PHLDB2: variants seen among roughly 807,000 people sequenced by gnomAD.
The protein encoded by PHLDB2 is pleckstrin homology like domain family B member 2.
A neutral mutation model predicts 123.6 loss-of-function variants in PHLDB2; 71 were observed. That is an observed-to-expected ratio of 0.57 (90% CI 0.47 to 0.70). The LOEUF is 0.70. PHLDB2 is among the 30% of genes least tolerant of loss of function. The pLI, the probability that PHLDB2 is intolerant of heterozygous loss-of-function variation, is 0.00. For synonymous variants in PHLDB2, 547 were observed against 541.6 expected, an observed-to-expected ratio of 1.01 and a Z score of -0.14; for missense variants, 1,446 against 1,519.5, an observed-to-expected ratio of 0.95 and a Z score of 0.80.
At chr3:111,880,678 G>A (rs1210724516) in intron 1 of PHLDB2, among the ~76,000 whole-genome samples, 3 of 43,142 alleles carry the variant, frequency 7.0e-5, no homozygotes, top group East Asian at 2.1e-3. Context: ...GTCCTTTGTG[G>A]CATTTTTTTT....
upstream of PHLDB2, among the ~76,000 whole-genome samples, chr3:111,855,048 G>A (rs574655497): frequency 7.6e-4 from 116 of 152,138 alleles, no homozygotes; most frequent in South Asian, 3.1e-3. Flanking sequence ...GTAATTCCCA[G>A]AACTCGGGTT....
Position 111,913,668 on chromosome 3 carries a change from C to T in PHLDB2, c.1685C>T (p.Ser562Phe). 1 of 1,613,508 alleles carries T rather than the reference C, an allele frequency of 6.2e-7. No individual in the cohort carries two copies. Among genetic ancestry groups the T allele is most frequent in the Non-Finnish European group, 8.5e-7 (1 of 1,179,534 alleles). ...PPPSSTFPKASSESSYLSILP... is the reference protein window; with the variant it reads ...PPPSSTFPKAFSESSYLSILP... ...CCATCCTCCACCTTTCCGAAAGCTT[C>T]CAGCGAGTCCTCTTATCTAAGTATC... The change falls in exon 3 of 18, where the codon TCC (serine) becomes TTC (phenylalanine). Residue 562 changes from serine to phenylalanine, a missense_variant. Ser to Phe is a radical substitution (Grantham distance 155). Around this residue, in one of 3 missense-constraint regions of PHLDB2, gnomAD observed 832 missense variants for 831.9 expected, o/e 1.00. Coordinates refer to ENST00000431670, the MANE Select transcript of PHLDB2 (RefSeq NM_001134438.2).
intron 1 of PHLDB2, among the ~76,000 whole-genome samples, chr3:111,791,366 T>C (rs1241364175): frequency 6.6e-6 from 1 of 152,188 alleles, no homozygotes; most frequent in Non-Finnish European, 1.5e-5. Context: ...GTTTTCCCAT[T>C]TCAGTCCCAG....
rs919909645 is a variant in PHLDB2 at position 111,772,915 on chromosome 3, TCA to T, written c.-49+40215_-49+40216del. Among the ~76,000 whole-genome samples, 23 of 152,184 alleles carry T rather than the reference TCA, an allele frequency of 1.5e-4. 1 individual carries two copies. The highest frequency in any genetic ancestry group is 1.2e-4 in the Non-Finnish European group (8 of 68,038). ...ATGAGGAATGCAATTTGGATTTTCT[TCA>T]CAGAGACGTGAGAATTCCTAAGTTG... On this transcript the variant is annotated intron_variant, in intron 1 of 17. Coordinates refer to the PHLDB2 transcript ENST00000393923.
intron 12 of PHLDB2, chr3:111,957,112 A>T (rs1473999068): frequency 6.5e-6 from 1 of 152,690 alleles, no homozygotes; most frequent in Non-Finnish European, 1.5e-5. Context: ...TTTAAAACAG[A>T]GAGCTGAGAA....
At chr3:111,949,785 G>T (rs1366145595) in intron 10 of PHLDB2, 8 of 985,440 alleles carry the variant, frequency 8.1e-6, no homozygotes, top group Non-Finnish European at 9.6e-6. Flanking sequence ...CAGCCCCATG[G>T]CCTGAATTCA....
intron 1 of PHLDB2, among the ~76,000 whole-genome samples, chr3:111,759,120 C>CTTT (rs34027939): frequency 6.8e-6 from 1 of 147,710 alleles, no homozygotes; most frequent in Non-Finnish European, 1.5e-5. Context: ...AGTGATATAT[C>CTTT]TTTTTTTTTT....
At chr3:111,757,382 G>T (rs62273778) in intron 1 of PHLDB2, among the ~76,000 whole-genome samples, 2 of 151,894 alleles carry the variant, frequency 1.3e-5, no homozygotes, top group Non-Finnish European at 2.9e-5. Flanking sequence ...TTCCCTTCTC[G>T]CTTCATTTCA....
intron 2 of PHLDB2, among the ~76,000 whole-genome samples, chr3:111,895,873 C>CTATCTATCT (rs1553746643): frequency 0.035 from 5,219 of 148,628 alleles, 137 homozygotes; most frequent in East Asian, 0.075. Flanking sequence ...TCTATCTATC[C>CTATCTATCT]ATCTATCTAT....
At chr3:111,814,946 C>G (rs2062006172) in intron 1 of PHLDB2, among the ~76,000 whole-genome samples, 1 of 152,124 alleles carries the variant, frequency 6.6e-6, no homozygotes, top group South Asian at 2.1e-4. Flanking sequence ...GTGGGAGGAA[C>G]CTGGTGGGAG....
In PHLDB2 at chr3:111,866,019, T is replaced by C. The variant is rs1202987808; in HGVS notation, c.-15+6443T>C. Among the ~76,000 whole-genome samples the C allele has an allele frequency of 3.4e-5, 4 of 117,070 alleles. No homozygotes were observed. The East Asian group carries it at 1.1e-3, about 33-fold the overall frequency. The allele number at this position is 117,070 out of a possible 152,430, so 76.8% of individuals were successfully genotyped here. Reference sequence around the variant, plus strand: ...GAAACCTACCCCACCCACTCATTTTTTTTTTTTTTTTTTTTTTTTGGAGAC... The same window carrying C: ...GAAACCTACCCCACCCACTCATTTTCTTTTTTTTTTTTTTTTTTTGGAGAC... On this transcript the variant is annotated intron_variant, in intron 1 of 17. Coordinates refer to ENST00000431670, the MANE Select transcript of PHLDB2 (RefSeq NM_001134438.2).
At chr3:111,885,560 A>G (rs2066117245) in intron 2 of PHLDB2, 148 bp downstream of exon 2, 1 of 1,037,764 alleles carries the variant, frequency 9.6e-7, no homozygotes, top group African/African-American at 1.6e-5. Context: ...CTCTCCTGCT[A>G]TCCTTCTTCT....
chr3:111,803,204 G>A (rs928586039), intron 1 of PHLDB2, among the ~76,000 whole-genome samples: 3 of 152,302 alleles, frequency 2.0e-5, no homozygotes, highest in South Asian at 4.1e-4. Context: ...AAGTTTCATC[G>A]TTAAGCTGTG....
At chr3:111,844,644 T>C (rs2063861969) in intron 1 of PHLDB2, among the ~76,000 whole-genome samples, 1 of 152,234 alleles carries the variant, frequency 6.6e-6, no homozygotes, top group Non-Finnish European at 1.5e-5. Flanking sequence ...TCTGCCACCA[T>C]TAAGGTTCAT....
intron 1 of PHLDB2, among the ~76,000 whole-genome samples, chr3:111,765,267 G>A (rs1162609639): frequency 6.6e-6 from 1 of 152,186 alleles, no homozygotes; most frequent in East Asian, 1.9e-4. Flanking sequence ...GAAGGGTGGT[G>A]AGAAAAAAAT....
intron 1 of PHLDB2, among the ~76,000 whole-genome samples, chr3:111,867,486 T>C (rs1008088262): frequency 6.6e-6 from 1 of 152,214 alleles, no homozygotes; most frequent in Non-Finnish European, 1.5e-5. Flanking sequence ...TTATATATGC[T>C]AATCTTGTTT....
At chr3:111,763,899 C>A (rs1420403442) in intron 1 of PHLDB2, among the ~76,000 whole-genome samples, 1 of 152,152 alleles carries the variant, frequency 6.6e-6, no homozygotes, top group Non-Finnish European at 1.5e-5. Flanking sequence ...GGAATGAATT[C>A]TGTTTTTTCT....
intron 1 of PHLDB2, among the ~76,000 whole-genome samples, chr3:111,830,412 T>C (rs1490833699): frequency 3.3e-5 from 5 of 151,596 alleles, no homozygotes; most frequent in Admixed American, 6.6e-5. Context: ...AGATATCATA[T>C]GGCTTGATAA....
At chr3:111,819,109 G>T (rs1332485741) in intron 1 of PHLDB2, among the ~76,000 whole-genome samples, 1 of 152,174 alleles carries the variant, frequency 6.6e-6, no homozygotes, top group Non-Finnish European at 1.5e-5. Context: ...TATTCAGAGA[G>T]AATGTGTGTG....
Sources: gnomAD v4.1 joint callset for allele counts (sites outside exome capture counted in the v4.1 genomes callset) on GRCh38, gnomAD v4.1.1 for gene constraint, gnomAD v4.1.1 regional missense constraint, MANE v1.5 for transcripts, NCBI Gene and HGNC (gene_info 2026-07-23, HGNC 2026-07-21) for gene names.